Variants in CNIH3 observed in about 807,000 individuals in gnomAD.
The protein encoded by CNIH3 is cornichon family AMPA receptor auxiliary protein 3, also known as protein cornichon homolog 3.
In CNIH3, 14 loss-of-function variants were observed where a neutral mutation model predicts 24.1. That is an observed-to-expected ratio of 0.58 (90% CI 0.38 to 0.91). The LOEUF (loss-of-function observed/expected upper bound fraction) is 0.91, where lower values mean the gene tolerates loss of function less well. Ranked by LOEUF, CNIH3 falls within the 40% of genes least tolerant of loss-of-function variation. The pLI, the probability that CNIH3 is intolerant of heterozygous loss-of-function variation, is 0.00. For synonymous variants in CNIH3, 68 were observed against 73.8 expected (o/e 0.92, Z 0.40); for missense variants, 178 against 196.8 (o/e 0.90, Z 0.57).
chr1:224,733,835 A>G (rs1468480626), intron 4 of CNIH3, among the ~76,000 whole-genome samples: 1 of 152,152 alleles, frequency 6.6e-6, no homozygotes, highest in Non-Finnish European at 1.5e-5. Flanking sequence ...GGGGGCAGCG[A>G]CCACTTCCCA....
intron 1 of CNIH3, among the ~76,000 whole-genome samples, chr1:224,635,607 C>G (rs1000145491): frequency 6.6e-6 from 1 of 152,204 alleles, no homozygotes; most frequent in African/African-American, 2.4e-5. Flanking sequence ...GAGCCGGCCT[C>G]GGCCTTGGAC....
At chr1:224,440,591 T>G (rs1674857594) in intron 1 of CNIH3, among the ~76,000 whole-genome samples, 1 of 152,196 alleles carries the variant, frequency 6.6e-6, no homozygotes, top group Non-Finnish European at 1.5e-5. Context: ...TACCAAGATA[T>G]GTTATTAAGT....
intron 1 of CNIH3, among the ~76,000 whole-genome samples, chr1:224,450,751 G>A (rs1262917815): frequency 6.6e-6 from 1 of 152,188 alleles, no homozygotes; most frequent in Non-Finnish European, 1.5e-5. Context: ...AGGCACAAAA[G>A]TACTTAGGAA....
At chr1:224,484,558 A>C (rs1318418540) in intron 1 of CNIH3, among the ~76,000 whole-genome samples, 1 of 152,166 alleles carries the variant, frequency 6.6e-6, no homozygotes, top group East Asian at 1.9e-4. Flanking sequence ...AGTTTTATCA[A>C]ATTTATAAAT....
intron 3 of CNIH3, among the ~76,000 whole-genome samples, chr1:224,712,682 G>A (rs1268369053): frequency 6.6e-6 from 1 of 152,202 alleles, no homozygotes; most frequent in Non-Finnish European, 1.5e-5. Context: ...AGATGCAGGT[G>A]ATAATCAGAC....
chr1:224,634,321 C>T (rs952076874), intron 1 of CNIH3, among the ~76,000 whole-genome samples: 1 of 152,080 alleles, frequency 6.6e-6, no homozygotes, highest in East Asian at 1.9e-4. Flanking sequence ...TGGTGGCTCA[C>T]GCACTTTGGG....
intron 3 of CNIH3, among the ~76,000 whole-genome samples, chr1:224,553,954 A>G (rs920462486): frequency 4.6e-5 from 7 of 152,142 alleles, no homozygotes; most frequent in Non-Finnish European, 1.0e-4. Flanking sequence ...TCTGCTGCAG[A>G]TCAACCACTC....
At chr1:224,494,745 T>G (rs1677366955) in intron 1 of CNIH3, among the ~76,000 whole-genome samples, 1 of 152,146 alleles carries the variant, frequency 6.6e-6, no homozygotes, top group Non-Finnish European at 1.5e-5. Flanking sequence ...GTGGCCCAGG[T>G]CAGGGCCTGG....
intron 3 of CNIH3, among the ~76,000 whole-genome samples, chr1:224,699,233 C>T (rs576822709): frequency 3.3e-5 from 5 of 152,342 alleles, no homozygotes; most frequent in South Asian, 2.1e-4. Flanking sequence ...ACTACCATCT[C>T]TTCTCCACTG....
downstream of CNIH3, among the ~76,000 whole-genome samples, chr1:224,540,485 G>A (rs1157015690): frequency 6.6e-6 from 1 of 152,180 alleles, no homozygotes; most frequent in African/African-American, 2.4e-5. Flanking sequence ...TTTAAAAAAT[G>A]TAAATAAATG....
intron 1 of CNIH3, among the ~76,000 whole-genome samples, chr1:224,500,646 C>A (rs868365473): frequency 6.6e-5 from 10 of 151,356 alleles, no homozygotes; most frequent in South Asian, 2.1e-4. Context: ...GCACTCCAAC[C>A]TGCTGGGCGA....
chr1:224,644,544 T>C (rs1414072560), intron 1 of CNIH3, among the ~76,000 whole-genome samples: 1 of 152,174 alleles, frequency 6.6e-6, no homozygotes, highest in South Asian at 2.1e-4. Context: ...ATTTGTTGAA[T>C]TAAACAAATT....
Position 224,703,059 on chromosome 1 carries a change from T to A in CNIH3, c.198+18216T>A, listed in dbSNP as rs748108664. Among the ~76,000 whole-genome samples the A allele has an allele frequency of 4.6e-5, 7 of 152,176 alleles. No individual in the cohort carries two copies. The highest frequency in any genetic ancestry group is 9.7e-5 in the African/African-American group (4 of 41,446). On this transcript the variant is annotated intron_variant, in intron 3 of 5. Coordinates refer to ENST00000272133, the MANE Select transcript of CNIH3 (RefSeq NM_152495.2). This position sits in a 1 kb window ranked among gnomAD's most constrained non-coding sequence, Gnocchi z 4.2. ...CAGCATTTTATAAATGCTGCCAAGA[T>A]AGCTCCAGTATGCAGGCAGAGGCAA...
intron 3 of CNIH3, among the ~76,000 whole-genome samples, chr1:224,610,748 G>T (rs2125051172): frequency 6.6e-6 from 1 of 152,304 alleles, no homozygotes; most frequent in Admixed American, 6.5e-5. Flanking sequence ...AACTCAGGAG[G>T]AGCAGGAATC....
At chr1:224,573,933 C>G (rs951961268) in intron 4 of CNIH3, among the ~76,000 whole-genome samples, 3 of 151,980 alleles carry the variant, frequency 2.0e-5, no homozygotes, top group Non-Finnish European at 4.4e-5. Context: ...TAAAAAAAAG[C>G]ATTATATATT....
At chr1:224,620,757 T>C (rs1483037490) in intron 1 of CNIH3, among the ~76,000 whole-genome samples, 1 of 152,082 alleles carries the variant, frequency 6.6e-6, no homozygotes, top group Non-Finnish European at 1.5e-5. Flanking sequence ...CCCAGCACTT[T>C]GGGAGGTTGA....
intron 3 of CNIH3, among the ~76,000 whole-genome samples, chr1:224,708,661 G>A (rs1235050106): frequency 4.6e-5 from 7 of 152,134 alleles, no homozygotes; most frequent in African/African-American, 1.7e-4. Context: ...TGACCTCTCT[G>A]TAGTATGACA....
At chr1:224,485,955 G>A (rs1004973612) in intron 1 of CNIH3, among the ~76,000 whole-genome samples, 37 of 152,078 alleles carry the variant, frequency 2.4e-4, no homozygotes, top group African/African-American at 8.7e-4. Context: ...AGTAGGGAAT[G>A]CACAACTTTT....
At position 224,579,952 on chromosome 1, in the gene CNIH3, C is replaced by T. The variant is rs551346450; in HGVS notation, n.517-3212C>T. Among the ~76,000 whole-genome samples the T allele has an allele frequency of 5.9e-5, 9 of 152,250 alleles. No homozygotes were observed. The East Asian group carries it at 7.7e-4, about 13-fold the overall frequency. The stretch of plus-strand genomic sequence containing the variant: ...AGGTATTCCTTTCTAGCAACACAAA[C>T]GGACAAAGACAGAGTGAACATAAGC... On this transcript the variant is annotated intron_variant and non_coding_transcript_variant, in intron 4 of 5. Transcript: ENST00000471578.
Sources: gnomAD v4.1 joint callset for allele counts (sites outside exome capture counted in the v4.1 genomes callset) on GRCh38, gnomAD v4.1.1 for gene constraint, Gnocchi (gnomAD v3.1) non-coding constraint, MANE v1.5 for transcripts, NCBI Gene and HGNC (gene_info 2026-07-23, HGNC 2026-07-21) for gene names.